CPPED1: variants seen among roughly 807,000 people sequenced by gnomAD.
CPPED1 encodes the protein calcineurin like phosphoesterase domain containing 1, also known as serine/threonine-protein phosphatase CPPED1.
Under a neutral mutation model 28.0 loss-of-function variants are expected in CPPED1, and 28 were observed. The ratio of observed to expected loss-of-function variants is 1.00; its 90% confidence interval spans 0.74 to 1.37. The LOEUF (loss-of-function observed/expected upper bound fraction) is 1.37, where lower values mean the gene tolerates loss of function less well. CPPED1 is among the 40% of genes most tolerant of loss of function. CPPED1 has a pLI of 0.00. For missense variants in CPPED1, 504 were observed against 416.5 expected, an observed-to-expected ratio of 1.21 and a Z score of -1.83; for synonymous variants, 198 against 180.2, an observed-to-expected ratio of 1.10 and a Z score of -0.79.
intron 2 of CPPED1, among the ~76,000 whole-genome samples, chr16:12,739,061 T>A (rs1387618747): frequency 1.3e-5 from 2 of 152,184 alleles, no homozygotes; most frequent in Admixed American, 1.3e-4. Flanking sequence ...GGTCTGCTGC[T>A]TACCGAGCTG....
intron 2 of CPPED1, among the ~76,000 whole-genome samples, chr16:12,766,725 C>T (rs112250773): frequency 0.042 from 6,413 of 152,060 alleles, 461 homozygotes; most frequent in African/African-American, 0.15. Context: ...GCAGAGATCA[C>T]GCCACTGCAC....
At chr16:12,699,474 C>T (rs1160739904) in intron 3 of CPPED1, among the ~76,000 whole-genome samples, 1 of 152,096 alleles carries the variant, frequency 6.6e-6, no homozygotes, top group Non-Finnish European at 1.5e-5. Flanking sequence ...GTGACACCCT[C>T]CTCCTCGTTT....
chr16:12,688,654 G>A (rs909180635), intron 3 of CPPED1, among the ~76,000 whole-genome samples: 1 of 152,012 alleles, frequency 6.6e-6, no homozygotes, highest in African/African-American at 2.4e-5. Flanking sequence ...CACGACTTCT[G>A]CATTAAGTGT....
chr16:12,794,811 T>G (rs1023807232), intron 1 of CPPED1, among the ~76,000 whole-genome samples: 1 of 152,156 alleles, frequency 6.6e-6, no homozygotes, highest in African/African-American at 2.4e-5. Context: ...AAAAGGCAGT[T>G]TTTGAGACAC....
At position 12,660,320 on chromosome 16, in the gene CPPED1, T is replaced by C. The variant is rs2079786861; in HGVS notation, c.*4566A>G. On this transcript the variant is annotated 3_prime_UTR_variant, in exon 4 of 4. Transcript: ENST00000381774. ...ATGAAGGGTAACATGATTATTCACATTTAATCGACTTCATTTACATAGATA... is the reference window on the plus strand; with the variant it reads ...ATGAAGGGTAACATGATTATTCACACTTAATCGACTTCATTTACATAGATA... 1 of 152,198 alleles carries C rather than the reference T, an allele frequency of 6.6e-6. No homozygotes were observed. Among genetic ancestry groups the C allele is most frequent in the African/African-American group, 2.4e-5 (1 of 41,448 alleles). 9.4% of individuals were successfully genotyped at this position (152,198 alleles called of 1,614,324 possible).
rs1254338249 is a variant in CPPED1, at chr16:12,665,252, TATA to T, written c.716-140_716-138del. 12 of 756,316 alleles carry T rather than the reference TATA, an allele frequency of 1.6e-5. No homozygotes were observed. The African/African-American group carries it at 1.8e-4, about 12-fold the overall frequency. 46.9% of individuals were successfully genotyped at this position (756,316 alleles called of 1,614,324 possible). On this transcript the variant is annotated intron_variant, in intron 3 of 3. Coordinates refer to ENST00000381774, the MANE Select transcript of CPPED1 (RefSeq NM_018340.3). The stretch of plus-strand genomic sequence containing the variant: ...TCATGTAGAATTATCATATTAAATG[TATA>T]ATATTATTCTGTATATAATCAACAA...
intron 1 of CPPED1, among the ~76,000 whole-genome samples, chr16:12,796,400 C>T (rs1315969756): frequency 6.6e-6 from 1 of 151,880 alleles, no homozygotes; most frequent in African/African-American, 2.4e-5. Context: ...GAGTCTGAGG[C>T]AGGAGAATCG....
At chr16:12,665,394 G>A (rs145311680) in intron 3 of CPPED1, among the ~76,000 whole-genome samples, 1 of 152,136 alleles carries the variant, frequency 6.6e-6, no homozygotes, top group African/African-American at 2.4e-5. Flanking sequence ...GAAAATGAGA[G>A]AAGGAAGATG....
chr16:12,713,709 A>T (rs1052670207), intron 2 of CPPED1, among the ~76,000 whole-genome samples: 3 of 151,128 alleles, frequency 2.0e-5, no homozygotes, highest in South Asian at 2.1e-4. Context: ...GTGTTTCTCA[A>T]TTTTTTTTTC....
At chr16:12,801,212 G>A (rs575439316) in intron 1 of CPPED1, among the ~76,000 whole-genome samples, 324 of 152,262 alleles carry the variant, frequency 2.1e-3, no homozygotes, top group African/African-American at 7.3e-3. Context: ...TCCTGCCATA[G>A]CCTCCCAAGT....
chr16:12,666,650 T>C (rs893317774), intron 3 of CPPED1, among the ~76,000 whole-genome samples: 3 of 152,210 alleles, frequency 2.0e-5, no homozygotes, highest in African/African-American at 7.2e-5. Flanking sequence ...AGATGCCCAG[T>C]AGTGCCCATT....
chr16:12,755,050 CT>C (rs1239102993), intron 2 of CPPED1, among the ~76,000 whole-genome samples: 1 of 152,038 alleles, frequency 6.6e-6, no homozygotes, highest in Non-Finnish European at 1.5e-5. Context: ...GTCAGATTCA[CT>C]GGAAAACATC....
intron 2 of CPPED1, among the ~76,000 whole-genome samples, chr16:12,745,199 G>A (rs1020988267): frequency 9.2e-5 from 14 of 152,134 alleles, no homozygotes; most frequent in African/African-American, 2.9e-4. Context: ...GAAAAAATAC[G>A]TGAAGAAAGG....
intron 3 of CPPED1, among the ~76,000 whole-genome samples, chr16:12,697,842 T>G (rs1296217499): frequency 6.6e-6 from 1 of 152,156 alleles, no homozygotes; most frequent in Non-Finnish European, 1.5e-5. Context: ...CTGGGTGCAG[T>G]GGCTCATGCC....
At chr16:12,773,488 C>T (rs555461214) in intron 2 of CPPED1, among the ~76,000 whole-genome samples, 39 of 152,202 alleles carry the variant, frequency 2.6e-4, no homozygotes, top group African/African-American at 7.7e-4. Flanking sequence ...TTTGGGAGGA[C>T]GAGGCAAGCA....
intron 3 of CPPED1, among the ~76,000 whole-genome samples, chr16:12,684,437 A>G (rs9934327): frequency 0.35 from 52,996 of 151,994 alleles, 12,230 homozygotes; most frequent in African/African-American, 0.67. Flanking sequence ...ATCAAACACA[A>G]TGTCTCCATT....
At chr16:12,740,921 C>T (rs915434252) in intron 2 of CPPED1, among the ~76,000 whole-genome samples, 1 of 152,136 alleles carries the variant, frequency 6.6e-6, no homozygotes, top group African/African-American at 2.4e-5. Context: ...TACCTGCAGG[C>T]AAACACTCTC....
intron 2 of CPPED1, among the ~76,000 whole-genome samples, chr16:12,718,252 A>G (rs1225868692): frequency 1.3e-5 from 2 of 152,208 alleles, no homozygotes; most frequent in Non-Finnish European, 1.5e-5. Flanking sequence ...CAAAAACTGT[A>G]GATTGGCCAG....
intron 3 of CPPED1, among the ~76,000 whole-genome samples, chr16:12,677,721 G>A (rs555565067): frequency 2.6e-5 from 4 of 152,264 alleles, no homozygotes; most frequent in South Asian, 2.1e-4. Context: ...CATCACTTCC[G>A]GCTTCAGCCT....
Sources: gnomAD v4.1 joint callset for allele counts (sites outside exome capture counted in the v4.1 genomes callset) on GRCh38, gnomAD v4.1.1 for gene constraint, MANE v1.5 for transcripts, NCBI Gene and HGNC (gene_info 2026-07-23, HGNC 2026-07-21) for gene names.